The following DLG2 variants were observed in gnomAD, a reference collection of about 807,000 sequenced individuals.
The protein encoded by DLG2 is discs large MAGUK scaffold protein 2, also known as disks large homolog 2.
DLG2 carries 45 observed loss-of-function variants against 132.5 expected under a neutral mutation model. That is an observed-to-expected ratio of 0.34 (90% CI 0.27 to 0.44). The LOEUF (loss-of-function observed/expected upper bound fraction) is 0.44, where lower values mean the gene tolerates loss of function less well. Ranked by LOEUF, DLG2 falls within the 20% of genes least tolerant of loss-of-function variation. The pLI is 1.00. For missense variants in DLG2, 1,045 were observed against 1,196.9 expected (o/e 0.87, Z 1.87); for synonymous variants, 424 against 419.6 (o/e 1.01, Z -0.13).
At chr11:83,723,520 G>A (rs1418906786) in intron 18 of DLG2, among the ~76,000 whole-genome samples, 1 of 152,156 alleles carries the variant, frequency 6.6e-6, no homozygotes, top group Non-Finnish European at 1.5e-5. Context: ...GTGAGTATTA[G>A]TTTGTGCTGG....
chr11:85,505,910 C>T (rs1316536527), intron 3 of DLG2, among the ~76,000 whole-genome samples: 1 of 152,128 alleles, frequency 6.6e-6, no homozygotes, highest in African/African-American at 2.4e-5. Flanking sequence ...TGTTTTTGGT[C>T]TATTCAGGGA....
intron 3 of DLG2, among the ~76,000 whole-genome samples, chr11:85,348,431 G>A (rs2083027313): frequency 6.6e-6 from 1 of 151,606 alleles, no homozygotes; most frequent in Non-Finnish European, 1.5e-5. Flanking sequence ...CATCATGTTG[G>A]TCAGGATGGT....
At chr11:84,528,747 C>T (rs1321250512) in intron 7 of DLG2, among the ~76,000 whole-genome samples, 1 of 152,106 alleles carries the variant, frequency 6.6e-6, no homozygotes, top group South Asian at 2.1e-4. Flanking sequence ...GACCTTGTAC[C>T]TTTTTAGCAG....
chr11:83,838,717 G>T (rs1353421180), intron 16 of DLG2, among the ~76,000 whole-genome samples: 1 of 151,802 alleles, frequency 6.6e-6, no homozygotes, highest in Non-Finnish European at 1.5e-5. Context: ...TAGAGAATGG[G>T]CTTCTTTAGA....
chr11:84,246,784 A>G (rs2097307826), intron 8 of DLG2, among the ~76,000 whole-genome samples: 1 of 152,192 alleles, frequency 6.6e-6, no homozygotes, highest in Non-Finnish European at 1.5e-5. Flanking sequence ...GGAATGTGTC[A>G]TCCATGGATA....
At chr11:83,763,364 C>A (rs140082542) in intron 18 of DLG2, among the ~76,000 whole-genome samples, 8 of 152,216 alleles carry the variant, frequency 5.3e-5, no homozygotes, top group African/African-American at 1.9e-4. Flanking sequence ...GTGTCTCATT[C>A]TTTTCTTTAT....
At chr11:84,813,417 C>T (rs914620257) in intron 6 of DLG2, among the ~76,000 whole-genome samples, 3 of 152,124 alleles carry the variant, frequency 2.0e-5, no homozygotes, top group Admixed American at 2.0e-4. Flanking sequence ...GATTAACACC[C>T]TCCCAACCAC....
At chr11:84,062,702 A>G (rs556153681) in intron 10 of DLG2, among the ~76,000 whole-genome samples, 2 of 151,824 alleles carry the variant, frequency 1.3e-5, no homozygotes, top group African/African-American at 4.8e-5. Context: ...CTACTGATAC[A>G]AAGATACTCA....
intron 6 of DLG2, among the ~76,000 whole-genome samples, chr11:85,084,118 G>A (rs2067593120): frequency 6.6e-6 from 1 of 152,156 alleles, no homozygotes; most frequent in South Asian, 2.1e-4. Flanking sequence ...GAAAGAGTAT[G>A]TGGGATAAAG....
chr11:84,866,621 T>C (rs1042108476), intron 6 of DLG2, among the ~76,000 whole-genome samples: 7 of 152,200 alleles, frequency 4.6e-5, no homozygotes, highest in African/African-American at 7.2e-5. Context: ...ACTGTTCTCA[T>C]TGGGGTGAAT....
At chr11:85,217,321 C>CACACACAA (rs1273632132) in intron 4 of DLG2, among the ~76,000 whole-genome samples, 1 of 151,174 alleles carries the variant, frequency 6.6e-6, no homozygotes, top group Non-Finnish European at 1.5e-5. Flanking sequence ...CTCTCTCTCA[C>CACACACAA]ACACACACAC....
intron 6 of DLG2, among the ~76,000 whole-genome samples, chr11:85,086,094 A>C (rs1397415421): frequency 6.6e-6 from 1 of 152,148 alleles, no homozygotes; most frequent in Non-Finnish European, 1.5e-5. Flanking sequence ...GCTATTTTTT[A>C]AATCACTCAT....
At chr11:83,928,758 T>C (rs2079517032) in intron 15 of DLG2, among the ~76,000 whole-genome samples, 1 of 152,100 alleles carries the variant, frequency 6.6e-6, no homozygotes, top group South Asian at 2.1e-4. Context: ...AATAATAACA[T>C]CTACCTCAAA....
At chr11:84,952,500 G>A (rs567680191) in intron 6 of DLG2, among the ~76,000 whole-genome samples, 1 of 150,380 alleles carries the variant, frequency 6.6e-6, no homozygotes, top group South Asian at 2.1e-4. Context: ...CTGGGCGACA[G>A]AACGAGACTC....
intron 19 of DLG2, among the ~76,000 whole-genome samples, chr11:83,542,537 T>C (rs2096107781): frequency 6.6e-6 from 1 of 152,214 alleles, no homozygotes; most frequent in Admixed American, 6.5e-5. Context: ...TGTGCTTCCA[T>C]ACGATGCCTA....
chr11:83,813,770 A>ACAG (rs899969450), intron 17 of DLG2, among the ~76,000 whole-genome samples: 10 of 152,134 alleles, frequency 6.6e-5, no homozygotes, highest in African/African-American at 2.4e-4. Flanking sequence ...AACAAAAACA[A>ACAG]CAGCAGCAGC....
intron 19 of DLG2, among the ~76,000 whole-genome samples, chr11:83,572,912 C>G (rs1271020284): frequency 2.0e-5 from 3 of 152,174 alleles, no homozygotes; most frequent in African/African-American, 7.2e-5. Context: ...GAACCTGACT[C>G]TTCTAATTTC....
chr11:84,617,227 A>G (rs2099606079), intron 6 of DLG2, among the ~76,000 whole-genome samples: 1 of 151,596 alleles, frequency 6.6e-6, no homozygotes, highest in Non-Finnish European at 1.5e-5. Flanking sequence ...GAGTGAGGAC[A>G]TGCAGTATTT....
At chr11:85,074,898 C>G (rs918763311) in intron 6 of DLG2, among the ~76,000 whole-genome samples, 2 of 151,858 alleles carry the variant, frequency 1.3e-5, no homozygotes, top group Non-Finnish European at 2.9e-5. Flanking sequence ...GAGAGATGCT[C>G]TATGGCAATA....
Sources: gnomAD v4.1 joint callset for allele counts (sites outside exome capture counted in the v4.1 genomes callset) on GRCh38, gnomAD v4.1.1 for gene constraint, MANE v1.5 for transcripts, NCBI Gene and HGNC (gene_info 2026-07-23, HGNC 2026-07-21) for gene names.